The following EBF1 variants were observed in gnomAD, a reference collection of about 807,000 sequenced individuals.
EBF1 encodes transcription factor COE1.
A neutral mutation model predicts 68.4 loss-of-function variants in EBF1; 10 were observed. The observed-to-expected ratio is 0.15, with a 90% CI of 0.09 to 0.25. The LOEUF is 0.25. EBF1 is among the 10% of genes least tolerant of loss of function. The pLI is 1.00. For synonymous variants in EBF1, 298 were observed against 299.8 expected (o/e 0.99, Z 0.06); for missense variants, 509 against 794.4 (o/e 0.64, Z 4.32).
Position 158,801,712 on chromosome 5 carries a change from C to T in EBF1, c.779-5237G>A, listed in dbSNP as rs1250418925. Among the ~76,000 whole-genome samples, 8 of 151,202 alleles carry T rather than the reference C, an allele frequency of 5.3e-5. No homozygotes were observed. In the East Asian group the frequency reaches 1.2e-3, roughly 22 times the overall value. On this transcript the variant is annotated intron_variant, in intron 8 of 15. Coordinates refer to ENST00000313708, the MANE Select transcript of EBF1 (RefSeq NM_024007.5). Reference sequence around the variant, plus strand: ...AGAAAGAAATCGTTCAGCTCCAGTACGTATTTAACAACTAATGTTCTGTGT... The same window carrying T: ...AGAAAGAAATCGTTCAGCTCCAGTATGTATTTAACAACTAATGTTCTGTGT...
intron 6 of EBF1, among the ~76,000 whole-genome samples, chr5:158,999,346 C>G (rs1026550534): frequency 5.9e-5 from 9 of 152,200 alleles, no homozygotes; most frequent in Non-Finnish European, 1.2e-4. Context: ...CAGGTTTCTT[C>G]TTTAAGACAA....
At chr5:159,094,781 A>G (rs183247619) in intron 4 of EBF1, among the ~76,000 whole-genome samples, 51 of 152,206 alleles carry the variant, frequency 3.4e-4, no homozygotes, top group African/African-American at 9.6e-4. Context: ...TTCTGCTACT[A>G]ACTCCTCCAA....
At chr5:158,782,048 T>A (rs1451529708) in intron 9 of EBF1, among the ~76,000 whole-genome samples, 1 of 152,190 alleles carries the variant, frequency 6.6e-6, no homozygotes, top group African/African-American at 2.4e-5. Flanking sequence ...AAAGGGCATG[T>A]GGATACACGA....
intron 6 of EBF1, among the ~76,000 whole-genome samples, chr5:158,978,835 C>CACACACACAGAG (rs753714441): frequency 2.7e-5 from 4 of 147,050 alleles, no homozygotes; most frequent in Admixed American, 6.7e-5. Context: ...CACACACACA[C>CACACACACAGAG]AGAGAGAGAG....
intron 6 of EBF1, among the ~76,000 whole-genome samples, chr5:159,049,740 G>C (rs1427997816): frequency 6.6e-6 from 1 of 152,190 alleles, no homozygotes; most frequent in Non-Finnish European, 1.5e-5. Flanking sequence ...TCCAACGTTA[G>C]AATCAAATAG....
chr5:159,008,771 A>G (rs1764071915), intron 6 of EBF1, among the ~76,000 whole-genome samples: 1 of 152,062 alleles, frequency 6.6e-6, no homozygotes, highest in African/African-American at 2.4e-5. Flanking sequence ...TCCTGACCTG[A>G]CGTGATTCGC....
chr5:158,820,697 G>C (rs577811591), intron 8 of EBF1, among the ~76,000 whole-genome samples: 1 of 152,292 alleles, frequency 6.6e-6, no homozygotes, highest in East Asian at 1.9e-4. Context: ...ACAGTGAAAT[G>C]TCACCATTTT....
At chr5:158,784,832 T>G (rs1196451811) in intron 9 of EBF1, among the ~76,000 whole-genome samples, 2 of 152,156 alleles carry the variant, frequency 1.3e-5, no homozygotes. Flanking sequence ...GGTTTTTAGA[T>G]GTTACCCATT....
chr5:158,757,245 G>C (rs1282991490), intron 10 of EBF1, among the ~76,000 whole-genome samples: 2 of 151,910 alleles, frequency 1.3e-5, no homozygotes, highest in African/African-American at 2.4e-5. Context: ...CTCTCTGCTG[G>C]GTAACCCATA....
intron 6 of EBF1, among the ~76,000 whole-genome samples, chr5:158,960,299 T>C (rs1817923141): frequency 6.6e-6 from 1 of 152,156 alleles, no homozygotes; most frequent in South Asian, 2.1e-4. Flanking sequence ...TAAATGTTAT[T>C]CAGAAAAAAA....
intron 11 of EBF1, among the ~76,000 whole-genome samples, chr5:158,727,053 C>CCTGAAGCATGGGAGGTTGAGTCATGT (rs1349666315): frequency 6.6e-6 from 1 of 152,224 alleles, no homozygotes; most frequent in Non-Finnish European, 1.5e-5. Context: ...AGAGGAGAAA[C>CCTGAAGCATGGGAGGTTGAGTCATGT]CTGAAGCATG....
At chr5:158,906,260 T>A (rs1453982978) in intron 6 of EBF1, among the ~76,000 whole-genome samples, 2 of 148,240 alleles carry the variant, frequency 1.3e-5, no homozygotes, top group Middle Eastern at 3.4e-3. Flanking sequence ...ACAGATCACT[T>A]GCTTGGAAGT....
At chr5:158,752,527 T>C (rs1769150348) in intron 10 of EBF1, among the ~76,000 whole-genome samples, 1 of 152,048 alleles carries the variant, frequency 6.6e-6, no homozygotes, top group South Asian at 2.1e-4. Context: ...AAGAGAATGT[T>C]AAAGTAACTG....
chr5:158,707,101 A>G (rs530481134), intron 15 of EBF1, among the ~76,000 whole-genome samples: 12 of 152,334 alleles, frequency 7.9e-5, no homozygotes, highest in Non-Finnish European at 1.6e-4. Flanking sequence ...GTTAAAAGTC[A>G]GGCAATTTCA....
chr5:158,988,378 G>A (rs535511299), intron 6 of EBF1, among the ~76,000 whole-genome samples: 74 of 152,248 alleles, frequency 4.9e-4, no homozygotes, highest in Middle Eastern at 3.4e-3. Context: ...ACCTAGGGGA[G>A]GAAAAAGGAG....
At chr5:159,072,782 G>A (rs1778057885) in intron 6 of EBF1, among the ~76,000 whole-genome samples, 1 of 152,162 alleles carries the variant, frequency 6.6e-6, no homozygotes, top group Non-Finnish European at 1.5e-5. Flanking sequence ...GTTCTACGGT[G>A]ATTTACTTGG....
At chr5:159,051,441 C>A (rs1773692052) in intron 6 of EBF1, among the ~76,000 whole-genome samples, 1 of 138,034 alleles carries the variant, frequency 7.2e-6, no homozygotes, top group Admixed American at 7.1e-5. Flanking sequence ...CCCCCCACCC[C>A]CCCACCCCGC....
intron 6 of EBF1, among the ~76,000 whole-genome samples, chr5:159,061,674 A>C (rs567605010): frequency 3.3e-5 from 5 of 152,072 alleles, no homozygotes; most frequent in African/African-American, 1.2e-4. Context: ...GAAGAATCGA[A>C]ACATGGCTCA....
In EBF1 at chr5:158,722,756, T is replaced by C. The variant is rs151161305; in HGVS notation, c.1125+8313A>G. Among the ~76,000 whole-genome samples the C allele has an allele frequency of 1.8e-4, 28 of 152,290 alleles. No individual in the cohort carries two copies. In the South Asian group the frequency reaches 5.2e-3, roughly 28 times the overall value. ...CAATTAAAATCCACTGCTTCAAGAC[T>C]GTTGGGGCTTGGTACTTATTACTCT... On this transcript the variant is annotated intron_variant, in intron 11 of 15. Transcript: ENST00000313708.
Sources: gnomAD v4.1 joint callset for allele counts (sites outside exome capture counted in the v4.1 genomes callset) on GRCh38, gnomAD v4.1.1 for gene constraint, MANE v1.5 for transcripts, NCBI Gene and HGNC (gene_info 2026-07-23, HGNC 2026-07-21) for gene names.